The following MTDH variants were observed in gnomAD, a reference collection of about 807,000 sequenced individuals.
The protein encoded by MTDH is protein LYRIC.
MTDH carries 34 observed loss-of-function variants against 72.7 expected under a neutral mutation model. The ratio of observed to expected loss-of-function variants is 0.47; its 90% confidence interval spans 0.36 to 0.62. MTDH has a LOEUF of 0.62. Among genes scored for constraint, MTDH ranks in the 20% least tolerant of loss-of-function variants. The pLI is 0.00. For missense variants in MTDH, 677 were observed against 699.4 expected (o/e 0.97, Z 0.36); for synonymous variants, 266 against 268.9 (o/e 0.99, Z 0.10).
At position 97,702,050 on chromosome 8, in the gene MTDH, C is replaced by T. The variant is rs1248887516; in HGVS notation, c.1147+2198C>T. ...TGGTGCTCAGTGAATTTAGTTATTACTTCTGAATTTCTAAAATGAATGATT... is the reference window on the plus strand; with the variant it reads ...TGGTGCTCAGTGAATTTAGTTATTATTTCTGAATTTCTAAAATGAATGATT... On this transcript the variant is annotated intron_variant, in intron 7 of 11. Coordinates refer to ENST00000336273, the MANE Select transcript of MTDH (RefSeq NM_178812.4). Among the ~76,000 whole-genome samples the T allele has an allele frequency of 2.6e-5, 4 of 152,140 alleles. No individual in the cohort carries two copies. In the East Asian group the frequency reaches 7.7e-4, roughly 29 times the overall value.
At position 97,644,629 on chromosome 8, in the gene MTDH, G is replaced by T. The variant is rs1218216597; in HGVS notation, c.123G>T (p.Gly41=). The stretch of plus-strand genomic sequence containing the variant: ...GCACCGAGCTGGGCCTCGACCTGGG[G>T]CTGGAGCCGAAACGGTACCCCGGCT... The part of the protein sequence containing the change: ...FLRTELGLDL[G]LEPKRYPGWV... Residue 41 remains glycine (G), a synonymous_variant, in exon 1 of 12, where the codon GGG becomes GGT. Transcript: ENST00000336273. The T allele has an allele frequency of 1.2e-6, 2 of 1,610,154 alleles. No homozygotes were observed. Among genetic ancestry groups the T allele is most frequent in the South Asian group, 2.2e-5 (2 of 90,694 alleles).
chr8:97,703,451 A>C (rs1814219335), intron 7 of MTDH, among the ~76,000 whole-genome samples: 2 of 152,200 alleles, frequency 1.3e-5, no homozygotes, highest in African/African-American at 4.8e-5. Flanking sequence ...ATGTTGGTAT[A>C]TTGCCCACTC....
At chr8:97,692,629 C>G (rs1040581978) in intron 6 of MTDH, among the ~76,000 whole-genome samples, 11 of 152,102 alleles carry the variant, frequency 7.2e-5, no homozygotes, top group Non-Finnish European at 1.5e-4. Context: ...CCACCCACCT[C>G]GGCCTTCTAA....
At chr8:97,651,842 C>G (rs1811784192) in intron 1 of MTDH, among the ~76,000 whole-genome samples, 1 of 152,110 alleles carries the variant, frequency 6.6e-6, no homozygotes, top group South Asian at 2.1e-4. Flanking sequence ...AAAACAGAAC[C>G]TATTATTTCT....
chr8:97,649,579 CTCTT>C (rs751679916), intron 1 of MTDH, among the ~76,000 whole-genome samples: 1 of 152,118 alleles, frequency 6.6e-6, no homozygotes, highest in South Asian at 2.1e-4. Context: ...ATTTCTGTGT[CTCTT>C]TATTTATGAT....
chr8:97,679,724 A>G (rs1236030268), intron 2 of MTDH, among the ~76,000 whole-genome samples: 1 of 152,234 alleles, frequency 6.6e-6, no homozygotes, highest in African/African-American at 2.4e-5. Flanking sequence ...TTTATAAACA[A>G]ATATCTTGGG....
At position 97,726,639 on chromosome 8, in the gene MTDH, G is replaced by C. The variant is rs1210023675; in HGVS notation, c.*1969G>C. The C allele has an allele frequency of 6.6e-6, 1 of 152,224 alleles. No homozygotes were observed. Among genetic ancestry groups the C allele is most frequent in the Non-Finnish European group, 1.5e-5 (1 of 68,050 alleles). The allele number at this position is 152,224 out of a possible 1,614,324, so 9.4% of individuals were successfully genotyped here. On this transcript the variant is annotated 3_prime_UTR_variant, in exon 12 of 12. Transcript: ENST00000336273. The stretch of plus-strand genomic sequence containing the variant: ...TCTCCCCATTCTACCACCTATGCCA[G>C]ATGTTAAAGACAGCAGATGTTTTGA...
At chr8:97,705,263 C>T (rs1415818672) in intron 7 of MTDH, among the ~76,000 whole-genome samples, 1 of 150,416 alleles carries the variant, frequency 6.6e-6, no homozygotes, top group Non-Finnish European at 1.5e-5. Flanking sequence ...TGCCACTGCA[C>T]TCTAGCCTGG....
In MTDH at chr8:97,644,949, T is replaced by C. The variant is rs1001923658; in HGVS notation, c.381+62T>C. The C allele has an allele frequency of 7.5e-6, 11 of 1,464,124 alleles. 1 individual carries two copies. In the African/African-American group the frequency reaches 9.0e-5, roughly 12 times the overall value. The allele number at this position is 1,464,124 out of a possible 1,614,324, so 90.7% of individuals were successfully genotyped here. On this transcript the variant is annotated intron_variant, in intron 1 of 11. Coordinates refer to ENST00000336273, the MANE Select transcript of MTDH (RefSeq NM_178812.4). Reference sequence around the variant, plus strand: ...AGGGCGGGCGTGGAGACCCTCGAGCTTGGGGGAGGCCGCGCCCCAGCCGGG... The same window carrying C: ...AGGGCGGGCGTGGAGACCCTCGAGCCTGGGGGAGGCCGCGCCCCAGCCGGG...
chr8:97,720,818 T>C (rs954613192), intron 10 of MTDH, among the ~76,000 whole-genome samples: 1 of 151,514 alleles, frequency 6.6e-6, no homozygotes, highest in East Asian at 2.0e-4. Context: ...CACCCCTGGC[T>C]AATTTTTATA....
At chr8:97,656,923 A>C (rs1460420864) in intron 1 of MTDH, among the ~76,000 whole-genome samples, 1 of 151,912 alleles carries the variant, frequency 6.6e-6, no homozygotes, top group East Asian at 1.9e-4. Context: ...TGGAGGCTGC[A>C]GTGAGCCAAG....
In MTDH at chr8:97,682,243, TATATATATATATATATATATATATATATA is replaced by T. The variant is rs1563542219; in HGVS notation, c.484-4424_484-4396del. On this transcript the variant is annotated intron_variant, in intron 2 of 11. Transcript: ENST00000336273. The stretch of plus-strand genomic sequence containing the variant: ...TTGTTAATTACTTTATATATATATA[TATATATATATATATATATATATATATATA>T]TATATATATTTTTTTTTTTTTTTTT... Among the ~76,000 whole-genome samples the T allele has an allele frequency of 7.1e-4, 3 of 4,236 alleles. 1 individual carries two copies. The highest frequency in any genetic ancestry group is 3.8e-3 in the East Asian group (2 of 524). 2.8% of individuals were successfully genotyped at this position (4,236 alleles called of 152,430 possible). A position where few individuals can be genotyped will look rare whatever the true frequency, so the allele number is the denominator to read the frequency against.
At chr8:97,688,259 C>T (rs1474227961) in intron 4 of MTDH, among the ~76,000 whole-genome samples, 2 of 152,274 alleles carry the variant, frequency 1.3e-5, no homozygotes, top group African/African-American at 2.4e-5. Flanking sequence ...AAGGCATTGG[C>T]GTATCTTCCT....
intron 2 of MTDH, among the ~76,000 whole-genome samples, chr8:97,684,715 C>T (rs1813287964): frequency 6.6e-6 from 1 of 152,106 alleles, no homozygotes; most frequent in African/African-American, 2.4e-5. Flanking sequence ...TCATGGTTGC[C>T]AGTGAGAAAA....
In MTDH at chr8:97,724,646, GA is replaced by G; in HGVS notation, c.1731del (p.Ala578ProfsTer29). 1.3e-6 allele frequency: 2 copies of G among 1,595,214 alleles called. No homozygotes were observed. The highest frequency in any genetic ancestry group is 1.9e-5 in the Admixed American group (1 of 53,926). On this transcript the variant is annotated frameshift_variant, in exon 12 of 12. Coordinates refer to ENST00000336273, the MANE Select transcript of MTDH (RefSeq NM_178812.4). LOFTEE classifies it high-confidence loss of function. ...WESPKQIKKK[K>X]KARRET ...AATCTCCCAAACAAATAAAAAAGAA[GA>G]AAAAAGCCAGACGAGAAACGTGAAA...
At chr8:97,659,087 G>A (rs1031917680) in intron 1 of MTDH, among the ~76,000 whole-genome samples, 1 of 151,774 alleles carries the variant, frequency 6.6e-6, no homozygotes, top group South Asian at 2.1e-4. Flanking sequence ...AGCTTGCAGT[G>A]AGCTGAGATT....
At chr8:97,685,408 G>A (rs531227251) in intron 2 of MTDH, among the ~76,000 whole-genome samples, 2 of 152,202 alleles carry the variant, frequency 1.3e-5, no homozygotes, top group South Asian at 4.1e-4. Flanking sequence ...AATAGATCAT[G>A]TCACTTGAGC....
chr8:97,658,608 A>G (rs1812064757), intron 1 of MTDH, among the ~76,000 whole-genome samples: 1 of 152,346 alleles, frequency 6.6e-6, no homozygotes, highest in East Asian at 1.9e-4. Context: ...TGAAGGTGGT[A>G]TATGGCAGTA....
chr8:97,698,582 T>C (rs534620461), intron 6 of MTDH, among the ~76,000 whole-genome samples: 5 of 152,350 alleles, frequency 3.3e-5, no homozygotes, highest in South Asian at 2.1e-4. Flanking sequence ...TTTCTTTAAA[T>C]GCACTTGAAC....
Sources: allele counts gnomAD v4.1 joint callset (sites outside exome capture counted in the v4.1 genomes callset), GRCh38; gene constraint gnomAD v4.1.1; transcripts MANE v1.5; gene names NCBI Gene and HGNC (gene_info 2026-07-23, HGNC 2026-07-21).